ALG1: variants seen among roughly 807,000 people sequenced by gnomAD.
The protein encoded by ALG1 is ALG1 chitobiosyldiphosphodolichol beta-mannosyltransferase.
In ALG1, 58 loss-of-function variants were observed where a neutral mutation model predicts 55.1. The ratio of observed to expected loss-of-function variants is 1.05; its 90% CI spans 0.85 to 1.31. The LOEUF is 1.31. Ranked by LOEUF, ALG1 falls within the 50% of genes most tolerant of loss-of-function variation. The probability of loss-of-function intolerance (pLI) is 0.00; values close to 1 mark genes in which losing one functional copy is unlikely to be tolerated. For missense variants in ALG1, 761 were observed against 598.6 expected, an observed-to-expected ratio of 1.27 and a Z score of -2.83; for synonymous variants, 309 against 247.0, an observed-to-expected ratio of 1.25 and a Z score of -2.35.
chr16:5,081,170 G>C lies in ALG1; in HGVS notation c.1072+114G>C, dbSNP rs560510609. ...ACTGGGGGACGGGACCTGGGCTCTGGCTGAACTCCCAGGAGGAGGCTACTT... is the reference window on the plus strand; with the variant it reads ...ACTGGGGGACGGGACCTGGGCTCTGCCTGAACTCCCAGGAGGAGGCTACTT... On this transcript the variant is annotated intron_variant, in intron 10 of 12. Transcript: ENST00000262374. 59 of 1,253,592 alleles carry C rather than the reference G, an allele frequency of 4.7e-5. 1 individual carries two copies. In the South Asian group the frequency reaches 6.4e-4, roughly 14 times the overall value. The allele number at this position is 1,253,592 out of a possible 1,614,324, so 77.7% of individuals were successfully genotyped here.
Position 5,071,938 on chromosome 16 carries a change from G to T in ALG1, c.89G>T (p.Arg30Leu), listed in dbSNP as rs766016788. 2 of 1,588,282 alleles carry T rather than the reference G, an allele frequency of 1.3e-6. No individual in the cohort carries two copies. The highest frequency in any genetic ancestry group is 1.1e-5 in the South Asian group (1 of 88,266). Reference sequence around the variant, plus strand: ...GGATGGAAGCGCTGGCGCCGGGGGCGGGCGGCCCGGCATGTAGTAGCGGTG... The same window carrying T: ...GGATGGAAGCGCTGGCGCCGGGGGCTGGCGGCCCGGCATGTAGTAGCGGTG... The part of the protein sequence containing the change: ...LGGWKRWRRG[R>L]AARHVVAVVL... The change falls in exon 1 of 13, where the codon CGG (arginine) becomes CTG (leucine). Residue 30 changes from arginine to leucine, a missense_variant. Arg to Leu is a moderately radical substitution (Grantham distance 102). Transcript: ENST00000262374.
rs1957058149 is a variant in ALG1, at chr16:5,083,684, T to C, written c.1190T>C (p.Leu397Ser). The change falls in exon 12 of 13, where the codon TTA (leucine) becomes TCA (serine). Residue 397 changes from leucine (L) to serine (S), a missense_variant and splice_region_variant. Transcript: ENST00000262374. Reference protein sequence around the residue: ...LPVCAVNFKCLHELVKHEENG... With the variant: ...LPVCAVNFKCSHELVKHEENG... ...GGCTCCCTTGGTTCTCTCTGCAGTT[T>C]ACATGAGCTGGTGAAACATGAAGAA... The C allele has an allele frequency of 6.2e-7, 1 of 1,600,748 alleles. No individual in the cohort carries two copies. Among genetic ancestry groups the C allele is most frequent in the Non-Finnish European group, 8.5e-7 (1 of 1,179,786 alleles).
At chr16:5,079,501 C>T (rs2142717880) in intron 8 of ALG1, among the ~76,000 whole-genome samples, 1 of 152,268 alleles carries the variant, frequency 6.6e-6, no homozygotes, top group East Asian at 1.9e-4. Flanking sequence ...ACCAACCTGG[C>T]CAACAGGGCG....
intron 11 of ALG1, 56 bp from the exon 12 acceptor site, chr16:5,083,626 C>T: frequency 1.3e-6 from 2 of 1,599,566 alleles, no homozygotes; most frequent in Non-Finnish European, 1.7e-6. Flanking sequence ...GTGGGCACCC[C>T]AGGGGTCTGG....
intron 3 of ALG1, chr16:5,073,492 C>A (rs1956856518): frequency 3.5e-6 from 2 of 575,594 alleles, no homozygotes; most frequent in Non-Finnish European, 6.2e-6. Flanking sequence ...CATGTATTAA[C>A]TCATTTAGTC....
chr16:5,075,536 G>T lies in ALG1; in HGVS notation c.539G>T (p.Trp180Leu), dbSNP rs1956896096. 2 of 1,613,958 alleles carry T rather than the reference G, an allele frequency of 1.2e-6. No homozygotes were observed. Among genetic ancestry groups the T allele is most frequent in the African/African-American group, 2.7e-5 (2 of 74,918 alleles). Residue 180 changes from tryptophan to leucine, a missense_variant and splice_region_variant, in exon 4 of 13, where the codon TGG becomes TTG. Coordinates refer to ENST00000262374, the MANE Select transcript of ALG1 (RefSeq NM_019109.5). ...PNHPLVLLAKWYEKFFGRLSH... is the reference protein window; with the variant it reads ...PNHPLVLLAKLYEKFFGRLSH... The stretch of plus-strand genomic sequence containing the variant: ...CATCCCCTCGTTCTGCTGGCCAAGT[G>T]GTGAGAGTCTAGGAAGAGGGTAAAA...
chr16:5,079,750 T>A lies in ALG1; in HGVS notation c.904T>A (p.Phe302Ile). The change falls in exon 9 of 13, where the codon TTT becomes ATT. Residue 302 changes from phenylalanine to isoleucine, a missense_variant and splice_region_variant. Coordinates refer to ENST00000262374, the MANE Select transcript of ALG1 (RefSeq NM_019109.5). ...ATTGTTTCTTTTTCTAAACACAGAG[T>A]TTGAACAACTGACTCTTGATGGACA... is the stretch of plus-strand genomic sequence containing the variant. ...FSILLAALEK[F>I]EQLTLDGHNL... is the part of the protein sequence containing the mutation. 1 of 1,611,554 alleles carries A rather than the reference T, an allele frequency of 6.2e-7. No individual in the cohort carries two copies. The highest frequency in any genetic ancestry group is 1.1e-5 in the South Asian group (1 of 90,982).
At chr16:5,073,099 C>G in intron 2 of ALG1, 54 bp from the exon 3 acceptor site, 2 of 1,611,712 alleles carry the variant, frequency 1.2e-6, no homozygotes, top group Non-Finnish European at 1.7e-6. Context: ...TTTGAAAAGC[C>G]GTGCAGATTG....
rs1007093269 is a variant in ALG1, at chr16:5,071,861, A to G, written c.12A>G (p.Ser4=). 6.9e-6 allele frequency: 11 copies of G among 1,605,140 alleles called. No individual in the cohort carries two copies. Among genetic ancestry groups the G allele is most frequent in the South Asian group, 1.1e-5 (1 of 90,588 alleles). ...GCGGGCCAGCCAAGATGGCGGCCTC[A>G]TGCTTGGTCCTGCTGGCGCTGTGTC... MAA[S]CLVLLALCLL... The change falls in exon 1 of 13, where the codon TCA becomes TCG. Residue 4 remains serine (S), a synonymous_variant. Coordinates refer to ENST00000262374, the MANE Select transcript of ALG1 (RefSeq NM_019109.5).
At chr16:5,079,845 G>T (rs1401996169) in intron 9 of ALG1, 38 bp downstream of exon 9, 2 of 1,603,514 alleles carry the variant, frequency 1.2e-6, no homozygotes, top group Non-Finnish European at 1.7e-6. Context: ...TTGGTTGGGG[G>T]ATGGCGGAGG....
Position 5,072,021 on chromosome 16 carries a change from A to G in ALG1, c.172A>G (p.Met58Val), listed in dbSNP as rs1006998599. The part of the protein sequence containing the change: ...RMQYHALSLA[M>V]HGFSVTLLGF... Reference sequence around the variant, plus strand: ...GCAGTACCACGCGCTGTCGTTGGCCATGCACGGCTTCTCGGTGACCCTCCT... The same window carrying G: ...GCAGTACCACGCGCTGTCGTTGGCCGTGCACGGCTTCTCGGTGACCCTCCT... Residue 58 changes from methionine (M) to valine (V), a missense_variant, in exon 1 of 13, where the codon ATG becomes GTG. By Grantham distance (21) the Met-to-Val change is conservative (BLOSUM62 1). Coordinates refer to ENST00000262374, the MANE Select transcript of ALG1 (RefSeq NM_019109.5). 1 of 1,596,626 alleles carries G rather than the reference A, an allele frequency of 6.3e-7. No individual in the cohort carries two copies. The highest frequency in any genetic ancestry group is 1.1e-5 in the South Asian group (1 of 88,744).
At position 5,079,030 on chromosome 16, in the gene ALG1, A is replaced by C. The variant is rs754222336; in HGVS notation, c.863-34A>C. ...GTGAGCTGGAAGAGGGGTGTCTAGAAACAGGCCCCTGACATTCAATTCTCT... is the reference window on the plus strand; with the variant it reads ...GTGAGCTGGAAGAGGGGTGTCTAGACACAGGCCCCTGACATTCAATTCTCT... On this transcript the variant is annotated intron_variant, in intron 7 of 12. Transcript: ENST00000262374. The C allele has an allele frequency of 1.4e-5, 23 of 1,604,936 alleles. No homozygotes were observed. The South Asian group carries it at 1.9e-4, about 13-fold the overall frequency.
rs577972473 is a variant in ALG1 at position 5,079,089 on chromosome 16, G to A, written c.888G>A (p.Leu296=). ...AGGACGAAGACTTCTCCATCCTGCT[G>A]GCAGCTTTAGAAAGTAGGTGTGTGG... ...WTEDEDFSIL[L]AALEKFEQLT... Residue 296 remains leucine (L), a synonymous_variant, in exon 8 of 13, where the codon CTG becomes CTA. Transcript: ENST00000262374. 9.3e-5 allele frequency: 148 copies of A among 1,597,780 alleles called. No homozygotes were observed. In the African/African-American group the frequency reaches 1.9e-3, roughly 21 times the overall value.
At chr16:5,083,070 TC>T (rs1357996152) in intron 11 of ALG1, among the ~76,000 whole-genome samples, 8 of 152,194 alleles carry the variant, frequency 5.3e-5, no homozygotes, top group Non-Finnish European at 1.0e-4. Context: ...TCCCACCATG[TC>T]CCTTTTGGCC....
intron 10 of ALG1, among the ~76,000 whole-genome samples, chr16:5,081,284 C>T (rs572350225): frequency 1.3e-5 from 2 of 152,266 alleles, no homozygotes; most frequent in Admixed American, 6.5e-5. Flanking sequence ...GCCTGCCACG[C>T]CCTCCATTCA....
At chr16:5,075,620 A>C in intron 4 of ALG1, 84 bp downstream of exon 4, 1 of 1,560,902 alleles carries the variant, frequency 6.4e-7, no homozygotes, top group African/African-American at 1.3e-5. Flanking sequence ...GGGCCTCCGG[A>C]AGTCGGTTCC....
Position 5,087,145 on chromosome 16 carries a change from A to G in ALG1, c.*2264A>G, listed in dbSNP as rs1596269282. 1 of 152,296 alleles carries G rather than the reference A, an allele frequency of 6.6e-6. No individual in the cohort carries two copies. Among genetic ancestry groups the G allele is most frequent in the East Asian group, 1.9e-4 (1 of 5,192 alleles). 9.4% of individuals were successfully genotyped at this position (152,296 alleles called of 1,614,324 possible). A position where few individuals can be genotyped will look rare whatever the true frequency, so the allele number is the denominator to read the frequency against. On this transcript the variant is annotated 3_prime_UTR_variant, in exon 13 of 13. Transcript: ENST00000262374. ...TCCAATCTTTTGGCCTCCCTGTGCC[A>G]CACTGGAAGAAGAAGAATCGCCTTG...
Position 5,078,771 on chromosome 16 carries a change from A to C in ALG1, c.755A>C (p.Asp252Ala). 1 of 1,612,818 alleles carries C rather than the reference A, an allele frequency of 6.2e-7. No individual in the cohort carries two copies. Among genetic ancestry groups the C allele is most frequent in the South Asian group, 1.1e-5 (1 of 91,022 alleles). Reference sequence around the variant, plus strand: ...TGCTCCTTCAGCTCAGAACCTGAGGACCCAGTCACGGAGCGGTCGGCCTTC... The same window carrying C: ...TGCTCCTTCAGCTCAGAACCTGAGGCCCCAGTCACGGAGCGGTCGGCCTTC... ...SPFRARSEPE[D>A]PVTERSAFTE... Residue 252 changes from aspartate to alanine, a missense_variant, in exon 7 of 13, where the codon GAC becomes GCC. Coordinates refer to ENST00000262374, the MANE Select transcript of ALG1 (RefSeq NM_019109.5).
intron 6 of ALG1, 114 bp from the exon 7 acceptor site, chr16:5,078,643 G>A (rs1463670974): frequency 9.6e-5 from 153 of 1,591,168 alleles, no homozygotes; most frequent in Non-Finnish European, 1.3e-4. Context: ...CTGCTGATGT[G>A]GCTGGGCACC....
Sources: allele counts gnomAD v4.1 joint callset (sites outside exome capture counted in the v4.1 genomes callset), GRCh38; gene constraint gnomAD v4.1.1; transcripts MANE v1.5; gene names NCBI Gene and HGNC (gene_info 2026-07-23, HGNC 2026-07-21).